The following BRINP3 variants were observed in gnomAD, a reference collection of about 807,000 sequenced individuals.
BRINP3 encodes the protein BMP/retinoic acid inducible neural specific 3.
BRINP3 carries 19 observed loss-of-function variants against 71.0 expected under a neutral mutation model. That is an observed-to-expected ratio of 0.27 (90% confidence interval 0.19 to 0.39). The LOEUF (loss-of-function observed/expected upper bound fraction) is 0.39, where lower values mean the gene tolerates loss of function less well. BRINP3 is among the 10% of genes least tolerant of loss of function. The pLI is 1.00. For missense variants in BRINP3, 959 were observed against 940.8 expected (o/e 1.02, Z -0.25); for synonymous variants, 380 against 337.7 (o/e 1.13, Z -1.37).
chr1:190,333,281 G>A (rs887732509), intron 2 of BRINP3, among the ~76,000 whole-genome samples: 6 of 151,922 alleles, frequency 3.9e-5, no homozygotes, highest in South Asian at 2.1e-4. Context: ...CGATTCAATC[G>A]TAGAGAGTTT....
chr1:190,301,262 A>C (rs1664719427), intron 2 of BRINP3, among the ~76,000 whole-genome samples: 1 of 101,398 alleles, frequency 9.9e-6, no homozygotes, highest in South Asian at 3.6e-4. Flanking sequence ...TATATATCTT[A>C]TCACAGTCCA....
At chr1:190,311,483 G>A (rs1571713532) in intron 2 of BRINP3, among the ~76,000 whole-genome samples, 1 of 151,450 alleles carries the variant, frequency 6.6e-6, no homozygotes, top group East Asian at 1.9e-4. Context: ...TTTGACGTTA[G>A]TAGCCAAAAA....
At chr1:190,134,008 G>A (rs1654763357) in intron 7 of BRINP3, among the ~76,000 whole-genome samples, 1 of 151,956 alleles carries the variant, frequency 6.6e-6, no homozygotes, top group Non-Finnish European at 1.5e-5. Flanking sequence ...TTGTGTTGGG[G>A]GATTTAAAAT....
intron 6 of BRINP3, among the ~76,000 whole-genome samples, chr1:190,223,725 A>C (rs1194072078): frequency 2.0e-5 from 3 of 151,904 alleles, no homozygotes; most frequent in Non-Finnish European, 2.9e-5. Context: ...TGGAAAGAAG[A>C]AGTCAAATTA....
At chr1:190,232,684 G>A (rs1658109226) in intron 5 of BRINP3, among the ~76,000 whole-genome samples, 1 of 152,074 alleles carries the variant, frequency 6.6e-6, no homozygotes, top group African/African-American at 2.4e-5. Context: ...CAGAGAGATA[G>A]GGGACTGAAG....
chr1:190,418,394 C>T (rs1012471132), intron 2 of BRINP3, among the ~76,000 whole-genome samples: 12 of 152,060 alleles, frequency 7.9e-5, no homozygotes, highest in African/African-American at 2.4e-4. Flanking sequence ...TGTCACATTA[C>T]GTTTGTGACC....
At chr1:190,208,108 T>C (rs943141930) in intron 6 of BRINP3, among the ~76,000 whole-genome samples, 17 of 151,834 alleles carry the variant, frequency 1.1e-4, no homozygotes, top group Non-Finnish European at 2.2e-4. Flanking sequence ...CTACTACACC[T>C]GGTTAATTTT....
intron 2 of BRINP3, among the ~76,000 whole-genome samples, chr1:190,363,270 C>T (rs1375268666): frequency 1.3e-5 from 2 of 152,082 alleles, no homozygotes; most frequent in African/African-American, 4.8e-5. Context: ...TGAAAGAGGA[C>T]CCTGAGATTC....
intron 2 of BRINP3, among the ~76,000 whole-genome samples, chr1:190,416,567 T>C (rs182144966): frequency 6.8e-4 from 103 of 152,302 alleles, no homozygotes; most frequent in African/African-American, 2.4e-3. Flanking sequence ...TTTTATAGTG[T>C]AGTAGGTGTC....
chr1:190,238,406 T>C (rs899771088), intron 4 of BRINP3, among the ~76,000 whole-genome samples: 2 of 152,092 alleles, frequency 1.3e-5, no homozygotes, highest in African/African-American at 2.4e-5. Context: ...TTGCAATTCA[T>C]ATATACAGCA....
At chr1:190,442,247 G>A (rs556186862) in intron 2 of BRINP3, among the ~76,000 whole-genome samples, 1 of 152,244 alleles carries the variant, frequency 6.6e-6, no homozygotes, top group South Asian at 2.1e-4. Flanking sequence ...TTTTAATGAG[G>A]TATGTTTATT....
Position 190,454,953 on chromosome 1 carries a change from C to T in BRINP3, c.-50-13G>A. ...TTTCCCTCAACACCTAGACAAAATACACAGGCAATTAGTTAACTCCTAGAA... is the reference window on the plus strand; with the variant it reads ...TTTCCCTCAACACCTAGACAAAATATACAGGCAATTAGTTAACTCCTAGAA... On this transcript the variant is annotated splice_polypyrimidine_tract_variant and intron_variant, in intron 1 of 7. Transcript: ENST00000367462. 7.6e-7 allele frequency: 1 copy of T among 1,310,636 alleles called. No homozygotes were observed. Among genetic ancestry groups the T allele is most frequent in the Non-Finnish European group, 1.1e-6 (1 of 923,638 alleles). The allele number at this position is 1,310,636 out of a possible 1,614,324, so 81.2% of individuals were successfully genotyped here. A position where few individuals can be genotyped will look rare whatever the true frequency, so the allele number is the denominator to read the frequency against.
At chr1:190,274,387 A>G (rs551854199) in intron 3 of BRINP3, among the ~76,000 whole-genome samples, 1 of 151,606 alleles carries the variant, frequency 6.6e-6, no homozygotes, top group South Asian at 2.1e-4. Context: ...ATGTGCATTT[A>G]TGGCAGATGT....
intron 2 of BRINP3, 76 bp from the exon 3 acceptor site, chr1:190,281,826 G>T: frequency 7.2e-7 from 1 of 1,389,440 alleles, no homozygotes; most frequent in South Asian, 1.4e-5. Context: ...CTTGGTAGCT[G>T]GGGTCAGTAC....
chr1:190,156,121 G>T (rs963049662), intron 7 of BRINP3, among the ~76,000 whole-genome samples: 7 of 152,030 alleles, frequency 4.6e-5, no homozygotes, highest in African/African-American at 1.4e-4. Flanking sequence ...TTTTTATGTC[G>T]CATGAATTCC....
intron 2 of BRINP3, among the ~76,000 whole-genome samples, chr1:190,298,966 A>T (rs750703020): frequency 6.6e-6 from 1 of 152,126 alleles, no homozygotes; most frequent in African/African-American, 2.4e-5. Context: ...AATTTTGCTT[A>T]CAATATCCTG....
At chr1:190,300,265 C>G (rs1664577529) in intron 2 of BRINP3, among the ~76,000 whole-genome samples, 1 of 152,034 alleles carries the variant, frequency 6.6e-6, no homozygotes, top group Non-Finnish European at 1.5e-5. Context: ...ATTCTTTTTT[C>G]TCTAAACTAC....
At chr1:190,262,604 C>T (rs556092744) in intron 4 of BRINP3, among the ~76,000 whole-genome samples, 34 of 152,270 alleles carry the variant, frequency 2.2e-4, no homozygotes, top group African/African-American at 7.0e-4. Flanking sequence ...CACTTTAAAT[C>T]ATTTTTATTA....
intron 2 of BRINP3, among the ~76,000 whole-genome samples, chr1:190,363,034 A>T (rs1669250593): frequency 6.6e-6 from 1 of 152,148 alleles, no homozygotes; most frequent in Admixed American, 6.6e-5. Context: ...GTTAAATATA[A>T]TGATAATATC....
Sources: gnomAD v4.1 joint callset for allele counts (sites outside exome capture counted in the v4.1 genomes callset) on GRCh38, gnomAD v4.1.1 for gene constraint, MANE v1.5 for transcripts, NCBI Gene and HGNC (gene_info 2026-07-23, HGNC 2026-07-21) for gene names.